The following CEP128 variants were observed in gnomAD, a reference collection of about 807,000 sequenced individuals.
CEP128 encodes centrosomal protein 128kDa.
CEP128 carries 132 observed loss-of-function variants against 156.7 expected under a neutral mutation model. The observed-to-expected ratio is 0.84, with a 90% CI of 0.73 to 0.97. The LOEUF (loss-of-function observed/expected upper bound fraction) is 0.97. Ranked by LOEUF, CEP128 falls within the 50% of genes least tolerant of loss-of-function variation. The probability of loss-of-function intolerance (pLI) is 0.00; values close to 1 mark genes in which losing one functional copy is unlikely to be tolerated. For synonymous variants in CEP128, 469 were observed against 448.9 expected (o/e 1.04, Z -0.57); for missense variants, 1,252 against 1,281.9 (o/e 0.98, Z 0.36).
intron 13 of CEP128, among the ~76,000 whole-genome samples, chr14:80,824,783 T>G (rs553930418): frequency 2.2e-4 from 34 of 152,114 alleles, no homozygotes; most frequent in Non-Finnish European, 4.7e-4. Context: ...TTCTTTTGAG[T>G]CTTCCAAACT....
At chr14:80,676,135 C>A (rs1192568759) in intron 19 of CEP128, among the ~76,000 whole-genome samples, 1 of 152,098 alleles carries the variant, frequency 6.6e-6, no homozygotes, top group Non-Finnish European at 1.5e-5. Context: ...TCTATAGGCT[C>A]ATTTTCAAAG....
intron 21 of CEP128, among the ~76,000 whole-genome samples, chr14:80,534,764 GC>G (rs36110789): frequency 0.21 from 30,843 of 146,882 alleles, 3,463 homozygotes; most frequent in African/African-American, 0.29. Context: ...GGTGCAGCTT[GC>G]AGTGAGCCCA....
At chr14:80,601,645 C>A (rs888308881) in intron 19 of CEP128, among the ~76,000 whole-genome samples, 2 of 152,000 alleles carry the variant, frequency 1.3e-5, no homozygotes, top group African/African-American at 2.4e-5. Context: ...TTGTACAGCA[C>A]GTTACTGTAC....
chr14:80,792,890 T>C lies in CEP128; in HGVS notation c.1430A>G (p.Lys477Arg), dbSNP rs1901787400. The change falls in exon 14 of 25, where the codon AAG becomes AGG. Residue 477 changes from lysine to arginine, a missense_variant. Lys to Arg is a conservative substitution (Grantham distance 26, BLOSUM62 2). Coordinates refer to ENST00000555265, the MANE Select transcript of CEP128 (RefSeq NM_152446.5). ...QSEALKEEAE[K>R]RREDLKLKAQ... Reference sequence around the variant, plus strand: ...TTTCAGTTTCAGGTCTTCCCTCCTCTTCTCCGCCTCCTCTTTCAGAGCCTC... The same window carrying C: ...TTTCAGTTTCAGGTCTTCCCTCCTCCTCTCCGCCTCCTCTTTCAGAGCCTC... 6.2e-7 allele frequency: 1 copy of C among 1,614,208 alleles called. No individual in the cohort carries two copies. The highest frequency in any genetic ancestry group is 2.2e-5 in the East Asian group (1 of 44,886).
chr14:80,872,425 C>A (rs933934876), intron 8 of CEP128, among the ~76,000 whole-genome samples: 2 of 152,108 alleles, frequency 1.3e-5, no homozygotes, highest in African/African-American at 4.8e-5. Flanking sequence ...ATGACAGCAA[C>A]CACAACTTTT....
chr14:80,946,280 C>T (rs1260739626), upstream of CEP128, among the ~76,000 whole-genome samples: 2 of 145,296 alleles, frequency 1.4e-5, no homozygotes, highest in East Asian at 3.9e-4. Flanking sequence ...TTGTTCTAGA[C>T]ACTTAGAACA....
intron 16 of CEP128, among the ~76,000 whole-genome samples, chr14:80,776,473 TTATA>T (rs971809085): frequency 2.0e-5 from 3 of 148,334 alleles, no homozygotes; most frequent in Non-Finnish European, 4.5e-5. Context: ...ACTAGAGAAT[TTATA>T]TATATATTTA....
At position 80,530,833 on chromosome 14, in the gene CEP128, T is replaced by C; in HGVS notation, c.2934A>G (p.Leu978=). 1 of 1,607,940 alleles carries C rather than the reference T, an allele frequency of 6.2e-7. No homozygotes were observed. The highest frequency in any genetic ancestry group is 8.5e-7 in the Non-Finnish European group (1 of 1,176,632). ...HLESVPEKLS[L]LEDFKDFRDS... is the part of the protein sequence containing the mutation. ...CTCTGAAGTCTTTGAAATCTTCTAGTAGGCTCAGTTTCTCAGGCACAGACT... is the reference window on the plus strand; with the variant it reads ...CTCTGAAGTCTTTGAAATCTTCTAGCAGGCTCAGTTTCTCAGGCACAGACT... The change falls in exon 22 of 25, where the codon CTA becomes CTG. Residue 978 remains leucine, a synonymous_variant. Transcript: ENST00000555265.
rs113877963 is a variant in CEP128 at position 80,580,865 on chromosome 14, A to C, written c.2807-442T>G. 3.0e-3 allele frequency among the ~76,000 whole-genome samples: 454 copies of C among 152,272 alleles called. 4 individuals carry two copies. Among genetic ancestry groups the C allele is most frequent in the African/African-American group, 0.01 (435 of 41,562 alleles). The stretch of plus-strand genomic sequence containing the variant: ...AGCTCCCAAGCCAAGTTCCACCCCT[A>C]CAGTCAATTTTTATAACCAAATTAA... On this transcript the variant is annotated intron_variant, in intron 19 of 24. Transcript: ENST00000555265.
At chr14:80,499,191 T>C (rs751559560) in intron 24 of CEP128, among the ~76,000 whole-genome samples, 7 of 152,246 alleles carry the variant, frequency 4.6e-5, no homozygotes, top group Non-Finnish European at 7.3e-5. Flanking sequence ...TTTTACTCTA[T>C]AAGGCTGAGG....
At chr14:80,627,471 G>A (rs947996356) in intron 19 of CEP128, among the ~76,000 whole-genome samples, 8 of 152,166 alleles carry the variant, frequency 5.3e-5, no homozygotes, top group Non-Finnish European at 1.0e-4. Context: ...CATTACTAAT[G>A]CTGTTGGCAG....
In CEP128 at chr14:80,689,555, T is replaced by G. The variant is rs147754649; in HGVS notation, c.2806+53520A>C. Among the ~76,000 whole-genome samples, 406 of 152,314 alleles carry G rather than the reference T, an allele frequency of 2.7e-3. 3 individuals carry two copies. Among genetic ancestry groups the G allele is most frequent in the African/African-American group, 9.4e-3 (391 of 41,566 alleles). ...AAATTCCACTCAGCTATACAGAAGA[T>G]ACAACTGTATTTAAATAATAAAATT... On this transcript the variant is annotated intron_variant, in intron 19 of 24. Transcript: ENST00000555265.
intron 18 of CEP128, among the ~76,000 whole-genome samples, chr14:80,752,285 T>A (rs1395766563): frequency 6.6e-6 from 1 of 152,162 alleles, no homozygotes; most frequent in East Asian, 1.9e-4. Flanking sequence ...TTTTTTAGAA[T>A]GTGGTCAGCC....
At chr14:80,637,759 A>G (rs7148223) in intron 19 of CEP128, among the ~76,000 whole-genome samples, 44,582 of 152,068 alleles carry the variant, frequency 0.29, 8,496 homozygotes, top group African/African-American at 0.53. Context: ...AAATGAGGTT[A>G]TCCTGGATTA....
At chr14:80,825,095 T>C (rs760063585) in intron 13 of CEP128, among the ~76,000 whole-genome samples, 1 of 152,192 alleles carries the variant, frequency 6.6e-6, no homozygotes, top group Non-Finnish European at 1.5e-5. Context: ...CTCATGAGAC[T>C]TATTCACTAT....
At chr14:80,761,767 A>T (rs1029385580) in intron 16 of CEP128, among the ~76,000 whole-genome samples, 154 bp from the exon 17 acceptor site, 1 of 152,088 alleles carries the variant, frequency 6.6e-6, no homozygotes, top group Non-Finnish European at 1.5e-5. Flanking sequence ...ACTTTAATCT[A>T]CTCATTAACT....
intron 19 of CEP128, among the ~76,000 whole-genome samples, chr14:80,619,405 C>CACAG (rs1893374474): frequency 6.7e-6 from 1 of 150,232 alleles, no homozygotes; most frequent in African/African-American, 2.4e-5. Flanking sequence ...CACACACACA[C>CACAG]AAATAGAAAA....
intron 8 of CEP128, among the ~76,000 whole-genome samples, chr14:80,879,699 A>C (rs1388797218): frequency 6.6e-6 from 1 of 152,186 alleles, no homozygotes; most frequent in Non-Finnish European, 1.5e-5. Context: ...ACCATCAAGC[A>C]AACAAATGTT....
At chr14:80,923,315 G>C (rs1884977546) in intron 2 of CEP128, among the ~76,000 whole-genome samples, 1 of 152,200 alleles carries the variant, frequency 6.6e-6, no homozygotes, top group Non-Finnish European at 1.5e-5. Context: ...ACTAGAGAGA[G>C]TAAAACTGAA....
Sources: allele counts gnomAD v4.1 joint callset (sites outside exome capture counted in the v4.1 genomes callset), GRCh38; gene constraint gnomAD v4.1.1; transcripts MANE v1.5; gene names NCBI Gene and HGNC (gene_info 2026-07-23, HGNC 2026-07-21).